Variants in FAM240B observed in about 807,000 individuals in gnomAD.
FAM240B encodes protein FAM240B.
intron 1 of FAM240B, among the ~76,000 whole-genome samples, chr9:38,706,443 G>A (rs984838472): frequency 4.6e-5 from 7 of 152,090 alleles, no homozygotes; most frequent in Non-Finnish European, 8.8e-5. Context: ...TGGACGCTGG[G>A]GTGTTTGTGA....
chr9:38,717,478 GTGTT>G (rs375939189), intron 1 of FAM240B, among the ~76,000 whole-genome samples: 15 of 151,966 alleles, frequency 9.9e-5, no homozygotes, highest in South Asian at 4.2e-4. Context: ...CCCTAAAAAG[GTGTT>G]TGTTTGTTTG....
chr9:38,703,352 T>C (rs371676160), intron 2 of FAM240B, among the ~76,000 whole-genome samples: 2 of 152,298 alleles, frequency 1.3e-5, no homozygotes, highest in East Asian at 1.9e-4. Context: ...GCCACCTCCT[T>C]GTCTAACTCT....
chr9:38,712,705 A>G (rs936505135), intron 1 of FAM240B, among the ~76,000 whole-genome samples: 5 of 152,208 alleles, frequency 3.3e-5, no homozygotes, highest in African/African-American at 1.2e-4. Context: ...AATTGCTAAT[A>G]TGATCTTAAA....
At chr9:38,703,704 C>T (rs151186427) in intron 2 of FAM240B, among the ~76,000 whole-genome samples, 153 bp downstream of exon 2, 2 of 152,326 alleles carry the variant, frequency 1.3e-5, no homozygotes, top group African/African-American at 2.4e-5. Flanking sequence ...GCATTTCCTC[C>T]TGTCACTGCA....
At chr9:38,718,056 C>A (rs936419501) in intron 1 of FAM240B, among the ~76,000 whole-genome samples, 8 of 152,158 alleles carry the variant, frequency 5.3e-5, no homozygotes, top group African/African-American at 1.9e-4. Context: ...CAGGGCCATA[C>A]AATAAACACT....
intron 1 of FAM240B, among the ~76,000 whole-genome samples, chr9:38,706,958 G>A (rs1412688177): frequency 6.6e-6 from 1 of 152,162 alleles, no homozygotes; most frequent in African/African-American, 2.4e-5. Flanking sequence ...TTTTGTTCAG[G>A]CTCCAGGAAC....
At chr9:38,709,051 G>A (rs1354085794) in intron 1 of FAM240B, among the ~76,000 whole-genome samples, 2 of 151,948 alleles carry the variant, frequency 1.3e-5, no homozygotes, top group Non-Finnish European at 2.9e-5. Context: ...CTGTGGTCAG[G>A]CCCTATAATC....
chr9:38,713,733 CAT>C (rs1280070505), intron 1 of FAM240B, among the ~76,000 whole-genome samples: 13 of 152,172 alleles, frequency 8.5e-5, no homozygotes, highest in African/African-American at 2.9e-4. Context: ...CAACTTCTCT[CAT>C]GTGATTTAGA....
intron 2 of FAM240B, among the ~76,000 whole-genome samples, chr9:38,698,607 A>G (rs559123765): frequency 1.3e-5 from 2 of 152,192 alleles, no homozygotes; most frequent in African/African-American, 2.4e-5. Context: ...TTTCCTTCCA[A>G]TTTTTCATTC....
At chr9:38,705,455 G>T (rs1159956843) in intron 1 of FAM240B, 1 of 152,212 alleles carries the variant, frequency 6.6e-6, no homozygotes, top group Non-Finnish European at 1.5e-5. Context: ...CGGGTGTGGT[G>T]GCGGGCCCCT....
intron 1 of FAM240B, among the ~76,000 whole-genome samples, chr9:38,713,654 T>G (rs960553289): frequency 1.3e-5 from 2 of 152,142 alleles, no homozygotes; most frequent in Middle Eastern, 3.2e-3. Flanking sequence ...GCTGTAATTA[T>G]GTAAGAAGAT....
At chr9:38,707,246 T>C (rs543534850) in intron 1 of FAM240B, among the ~76,000 whole-genome samples, 7 of 152,244 alleles carry the variant, frequency 4.6e-5, no homozygotes, top group South Asian at 4.2e-4. Context: ...ATAATGAACA[T>C]TTTATTCTAA....
intron 1 of FAM240B, among the ~76,000 whole-genome samples, chr9:38,707,596 G>A (rs370432761): frequency 9.6e-5 from 14 of 145,168 alleles, no homozygotes; most frequent in African/African-American, 2.5e-4. Flanking sequence ...ATGAAACCCC[G>A]TCTCTACTAA....
At chr9:38,701,231 G>A (rs1821122464) in intron 2 of FAM240B, among the ~76,000 whole-genome samples, 1 of 152,086 alleles carries the variant, frequency 6.6e-6, no homozygotes, top group Non-Finnish European at 1.5e-5. Flanking sequence ...AGCCCACAGG[G>A]GTGGAATAGG....
At chr9:38,719,323 A>G (rs1050785120) in intron 1 of FAM240B, among the ~76,000 whole-genome samples, 3 of 151,626 alleles carry the variant, frequency 2.0e-5, no homozygotes, top group African/African-American at 7.3e-5. Flanking sequence ...GTAAAATGTT[A>G]CCAATTTGGA....
At chr9:38,712,265 G>A (rs909350716) in intron 1 of FAM240B, among the ~76,000 whole-genome samples, 2 of 152,104 alleles carry the variant, frequency 1.3e-5, no homozygotes, top group African/African-American at 4.8e-5. Context: ...ATGAAAGAGG[G>A]ACACACAATT....
intron 1 of FAM240B, among the ~76,000 whole-genome samples, chr9:38,719,047 G>GA (rs890303478): frequency 1.3e-5 from 2 of 152,158 alleles, no homozygotes; most frequent in African/African-American, 2.4e-5. Flanking sequence ...TAATAGTCAG[G>GA]AAAAAATCAT....
chr9:38,719,505 G>A (rs1382942790), intron 1 of FAM240B, among the ~76,000 whole-genome samples: 1 of 152,068 alleles, frequency 6.6e-6, no homozygotes, highest in Non-Finnish European at 1.5e-5. Context: ...CTGATGAGGG[G>A]CTAGGGAAGA....
intron 1 of FAM240B, among the ~76,000 whole-genome samples, chr9:38,719,775 A>G (rs1178775859): frequency 1.3e-5 from 2 of 151,996 alleles, no homozygotes; most frequent in African/African-American, 4.8e-5. Context: ...CTTTTTCCAC[A>G]CTCTTTAACA....
Sources: gnomAD v4.1 joint callset for allele counts (sites outside exome capture counted in the v4.1 genomes callset) on GRCh38, gnomAD v4.1.1 for gene constraint, MANE v1.5 for transcripts, NCBI Gene and HGNC (gene_info 2026-07-23, HGNC 2026-07-21) for gene names.